NAALADL2: variants seen among roughly 807,000 people sequenced by gnomAD.
NAALADL2 encodes the protein inactive N-acetylated-alpha-linked acidic dipeptidase-like protein 2.
A neutral mutation model predicts 87.2 loss-of-function variants in NAALADL2; 76 were observed. The ratio of observed to expected loss-of-function variants is 0.87; its 90% CI spans 0.72 to 1.05. NAALADL2 has a LOEUF of 1.05. Ranked by LOEUF, NAALADL2 falls within the 50% of genes least tolerant of loss-of-function variation. The pLI, the probability that NAALADL2 is intolerant of heterozygous loss-of-function variation, is 0.00. For synonymous variants in NAALADL2, 354 were observed against 331.0 expected (o/e 1.07, Z -0.75); for missense variants, 1,089 against 945.8 (o/e 1.15, Z -1.99).
chr3:175,419,852 A>G (rs1471363535), intron 5 of NAALADL2, among the ~76,000 whole-genome samples: 1 of 152,046 alleles, frequency 6.6e-6, no homozygotes, highest in Non-Finnish European at 1.5e-5. Flanking sequence ...AAGAAGTGAT[A>G]TTTCCAGTGT....
At chr3:174,585,183 A>G (rs912528359) in intron 2 of NAALADL2, among the ~76,000 whole-genome samples, 6 of 152,112 alleles carry the variant, frequency 3.9e-5, no homozygotes, top group African/African-American at 1.4e-4. Flanking sequence ...TACTGCAGAA[A>G]CTCTCAGCGT....
intron 4 of NAALADL2, among the ~76,000 whole-genome samples, chr3:175,311,318 A>G (rs1047704201): frequency 4.6e-5 from 7 of 151,850 alleles, no homozygotes; most frequent in Non-Finnish European, 7.4e-5. Context: ...AAAGAAATCT[A>G]TAAAGTCACA....
intron 3 of NAALADL2, among the ~76,000 whole-genome samples, chr3:174,828,167 CACACA>C (rs141062835): frequency 1.9e-3 from 283 of 151,688 alleles, no homozygotes; most frequent in African/African-American, 6.4e-3. Flanking sequence ...AAACCAACCA[CACACA>C]ACACAACACA....
chr3:174,961,026 G>T (rs746411842), intron 1 of NAALADL2, among the ~76,000 whole-genome samples: 10 of 140,866 alleles, frequency 7.1e-5, no homozygotes, highest in Admixed American at 1.5e-4. Context: ...TACAGAACAA[G>T]ACCTTGTTTC....
chr3:175,206,472 C>T (rs1169038103), intron 2 of NAALADL2, among the ~76,000 whole-genome samples: 1 of 151,446 alleles, frequency 6.6e-6, no homozygotes, highest in African/African-American at 2.4e-5. Context: ...AATAGAAAAT[C>T]AAACATCATA....
chr3:174,666,544 C>T (rs138161517), intron 2 of NAALADL2, among the ~76,000 whole-genome samples: 46 of 152,208 alleles, frequency 3.0e-4, no homozygotes, highest in African/African-American at 1.0e-3. Context: ...ATTTGGGCAT[C>T]GTTTCTGTTT....
chr3:174,714,024 G>A (rs1578652007), intron 2 of NAALADL2, among the ~76,000 whole-genome samples: 1 of 152,134 alleles, frequency 6.6e-6, no homozygotes, highest in South Asian at 2.1e-4. Flanking sequence ...CATATGGCTA[G>A]CCAGTTTTCC....
chr3:175,198,626 G>A (rs147201194), intron 2 of NAALADL2, among the ~76,000 whole-genome samples: 15 of 152,124 alleles, frequency 9.9e-5, no homozygotes, highest in African/African-American at 3.1e-4. Flanking sequence ...GTTGAAGGAG[G>A]GTTGCAGTGA....
At chr3:174,525,496 T>C (rs544974853) in intron 1 of NAALADL2, among the ~76,000 whole-genome samples, 2 of 152,252 alleles carry the variant, frequency 1.3e-5, no homozygotes, top group Admixed American at 1.3e-4. Context: ...AACTCACTTA[T>C]TACCAAGGGG....
At chr3:174,926,502 A>G (rs1736059955) in intron 1 of NAALADL2, among the ~76,000 whole-genome samples, 2 of 152,332 alleles carry the variant, frequency 1.3e-5, no homozygotes, top group African/African-American at 4.8e-5. Context: ...CTAACAGTAG[A>G]TCTCTCGGTA....
chr3:174,640,813 C>T (rs1723101336), intron 2 of NAALADL2, among the ~76,000 whole-genome samples: 3 of 152,180 alleles, frequency 2.0e-5, no homozygotes, highest in Admixed American at 1.3e-4. Flanking sequence ...GACTAAAAGC[C>T]TGGGATGATT....
chr3:175,128,256 T>C (rs1043373106), intron 2 of NAALADL2, among the ~76,000 whole-genome samples: 2 of 152,198 alleles, frequency 1.3e-5, no homozygotes, highest in African/African-American at 4.8e-5. Context: ...AGAAAGTGCT[T>C]GTGATTAAAA....
intron 5 of NAALADL2, among the ~76,000 whole-genome samples, chr3:175,435,302 C>T (rs1406600659): frequency 3.3e-5 from 5 of 151,924 alleles, no homozygotes; most frequent in African/African-American, 4.8e-5. Context: ...TTCTTTGTTT[C>T]GATGTGACTA....
At chr3:175,643,018 T>C (rs182592375) in intron 11 of NAALADL2, among the ~76,000 whole-genome samples, 2 of 152,288 alleles carry the variant, frequency 1.3e-5, no homozygotes, top group East Asian at 3.9e-4. Flanking sequence ...TCCAGAGATA[T>C]ATTTGAAAAG....
At chr3:175,158,783 T>A (rs956425222) in intron 2 of NAALADL2, among the ~76,000 whole-genome samples, 1 of 151,878 alleles carries the variant, frequency 6.6e-6, no homozygotes, top group East Asian at 1.9e-4. Context: ...ATAGGAGAAA[T>A]AGAGTTCTTG....
In NAALADL2 at chr3:175,138,887, AATATATATATATATATAT is replaced by A. The variant is rs58824117; in HGVS notation, c.545+41617_545+41634del. On this transcript the variant is annotated intron_variant, in intron 2 of 13. Transcript: ENST00000454872. ...CAGAAAAAAAATTTCAGCCTTTTAAAATATATATATATATATATATATATATATATATATATATGATAG... is the reference window on the plus strand; with the variant it reads ...CAGAAAAAAAATTTCAGCCTTTTAAAATATATATATATATATATATGATAG... 3.5e-3 allele frequency among the ~76,000 whole-genome samples: 334 copies of A among 95,434 alleles called. 3 individuals carry two copies. Among genetic ancestry groups the A allele is most frequent in the Non-Finnish European group, 4.1e-3 (219 of 53,454 alleles). 62.6% of individuals were successfully genotyped at this position (95,434 alleles called of 152,430 possible).
intron 2 of NAALADL2, among the ~76,000 whole-genome samples, chr3:175,187,911 C>T (rs932830170): frequency 3.3e-5 from 5 of 152,180 alleles, no homozygotes; most frequent in African/African-American, 1.2e-4. Flanking sequence ...TTTAATTGCA[C>T]ATACCCTCTT....
At chr3:174,979,563 C>G (rs1744844824) in intron 1 of NAALADL2, among the ~76,000 whole-genome samples, 2 of 151,998 alleles carry the variant, frequency 1.3e-5, no homozygotes, top group Non-Finnish European at 2.9e-5. Context: ...CCTCGGCCTC[C>G]CAAAGTGCTG....
At chr3:174,474,484 T>C (rs1717096460) in intron 1 of NAALADL2, among the ~76,000 whole-genome samples, 1 of 152,242 alleles carries the variant, frequency 6.6e-6, no homozygotes, top group East Asian at 1.9e-4. Flanking sequence ...AGTGTGATTT[T>C]TGTCATTACT....
Sources: allele counts gnomAD v4.1 joint callset (sites outside exome capture counted in the v4.1 genomes callset), GRCh38; gene constraint gnomAD v4.1.1; transcripts MANE v1.5; gene names NCBI Gene and HGNC (gene_info 2026-07-23, HGNC 2026-07-21).